PKNOX2: variants seen among roughly 807,000 people sequenced by gnomAD.
The protein encoded by PKNOX2 is homeobox protein PKNOX2.
Under a neutral mutation model 53.1 loss-of-function variants are expected in PKNOX2, and 14 were observed. The ratio of observed to expected loss-of-function variants is 0.26; its 90% CI spans 0.17 to 0.41. The LOEUF (loss-of-function observed/expected upper bound fraction) is 0.41. Among genes scored for constraint, PKNOX2 ranks in the 10% least tolerant of loss-of-function variants. PKNOX2 has a pLI of 1.00. For synonymous variants in PKNOX2, 257 were observed against 242.8 expected (o/e 1.06, Z -0.54); for missense variants, 496 against 602.8 (o/e 0.82, Z 1.85).
chr11:125,387,527 C>T (rs1487607180), intron 6 of PKNOX2, among the ~76,000 whole-genome samples: 2 of 152,168 alleles, frequency 1.3e-5, no homozygotes, highest in Non-Finnish European at 2.9e-5. Flanking sequence ...ATGCTCTCTC[C>T]TGGCCAACAT....
At chr11:125,332,260 A>G (rs903599994) in intron 3 of PKNOX2, among the ~76,000 whole-genome samples, 18 of 151,952 alleles carry the variant, frequency 1.2e-4, no homozygotes, top group African/African-American at 3.9e-4. Context: ...AGCAAACATT[A>G]TCACCCATGA....
rs1195365073 is a variant in PKNOX2 at position 125,429,820 on chromosome 11, C to T, written c.1014-143C>T. 8.4e-5 allele frequency: 81 copies of T among 965,682 alleles called. 1 individual carries two copies. Among genetic ancestry groups the T allele is most frequent in the Non-Finnish European group, 1.2e-4 (79 of 648,890 alleles). The allele number at this position is 965,682 out of a possible 1,614,324, so 59.8% of individuals were successfully genotyped here. The stretch of plus-strand genomic sequence containing the variant: ...GAACTTCTCAGCACCCAGGGCCCTC[C>T]TCCTTGCTGGGCTTTTACATCCGGG... On this transcript the variant is annotated intron_variant, in intron 11 of 12. Transcript: ENST00000298282.
intron 5 of PKNOX2, among the ~76,000 whole-genome samples, chr11:125,373,359 A>G (rs1430899754): frequency 1.3e-5 from 2 of 152,232 alleles, no homozygotes; most frequent in African/African-American, 4.8e-5. Flanking sequence ...AGTCTGGTAC[A>G]TTCGGGGGGA....
intron 2 of PKNOX2, among the ~76,000 whole-genome samples, chr11:125,273,077 G>T (rs946858817): frequency 2.6e-5 from 4 of 152,202 alleles, no homozygotes; most frequent in Admixed American, 2.6e-4. Context: ...CCAGTCCAGG[G>T]TGAGAGGCCG....
At chr11:125,178,573 G>GAAAGAAAGAAAGAAA (rs1955870405) in intron 1 of PKNOX2, among the ~76,000 whole-genome samples, 1 of 34,166 alleles carries the variant, frequency 2.9e-5, no homozygotes, top group African/African-American at 1.8e-4. Context: ...AACGAAGGAA[G>GAAAGAAAGAAAGAAA]GAAGGAAGGA....
intron 2 of PKNOX2, among the ~76,000 whole-genome samples, chr11:125,318,786 G>A (rs1381336215): frequency 1.3e-5 from 2 of 152,184 alleles, no homozygotes; most frequent in African/African-American, 4.8e-5. Context: ...CCTGGTGGAG[G>A]TGATTAGATC....
intron 1 of PKNOX2, among the ~76,000 whole-genome samples, chr11:125,183,741 AT>A (rs66586663): frequency 0.4 from 60,975 of 151,568 alleles, 12,326 homozygotes; most frequent in East Asian, 0.46. Flanking sequence ...AAAAGAGATG[AT>A]TTTTTTCAGA....
chr11:125,254,963 A>G (rs1283568971), intron 2 of PKNOX2, among the ~76,000 whole-genome samples: 1 of 152,200 alleles, frequency 6.6e-6, no homozygotes, highest in African/African-American at 2.4e-5. Context: ...CTTCTTAAAC[A>G]TGTATTAAAG....
At position 125,382,287 on chromosome 11, in the gene PKNOX2, T is replaced by C. The variant is rs149412553; in HGVS notation, c.228-3264T>C. Reference sequence around the variant, plus strand: ...ACAACACTTGTTCTCATTGACAGCCTGCATATAACCTTGGTGCACACACAT... The same window carrying C: ...ACAACACTTGTTCTCATTGACAGCCCGCATATAACCTTGGTGCACACACAT... On this transcript the variant is annotated intron_variant, in intron 5 of 12. Coordinates refer to ENST00000298282, the MANE Select transcript of PKNOX2 (RefSeq NM_001382323.2). Among the ~76,000 whole-genome samples the C allele has an allele frequency of 7.7e-3, 1,172 of 152,338 alleles. 14 individuals are homozygous for C. Among genetic ancestry groups the C allele is most frequent in the African/African-American group, 0.026 (1,083 of 41,586 alleles).
At chr11:125,407,612 A>G (rs1190608559) in intron 7 of PKNOX2, among the ~76,000 whole-genome samples, 2 of 152,038 alleles carry the variant, frequency 1.3e-5, no homozygotes, top group African/African-American at 4.8e-5. Context: ...CATTAAATTT[A>G]CCTTCAAGCC....
intron 7 of PKNOX2, among the ~76,000 whole-genome samples, chr11:125,402,099 C>T (rs770425598): frequency 4.6e-5 from 7 of 152,134 alleles, no homozygotes; most frequent in Non-Finnish European, 8.8e-5. Context: ...TTTTCCTGCT[C>T]GGCCTTCGAT....
At chr11:125,413,433 A>G (rs1158263625) in intron 10 of PKNOX2, among the ~76,000 whole-genome samples, 4 of 152,180 alleles carry the variant, frequency 2.6e-5, no homozygotes, top group Non-Finnish European at 5.9e-5. Flanking sequence ...TCCAGCGTCC[A>G]TGCCACAGCT....
intron 2 of PKNOX2, among the ~76,000 whole-genome samples, chr11:125,276,718 C>T (rs923625320): frequency 5.9e-5 from 9 of 151,956 alleles, no homozygotes; most frequent in Non-Finnish European, 1.3e-4. Context: ...TATGAGGTTT[C>T]CCCAGAGACT....
intron 2 of PKNOX2, among the ~76,000 whole-genome samples, chr11:125,288,901 T>C (rs1418023121): frequency 6.6e-6 from 1 of 152,250 alleles, no homozygotes; most frequent in African/African-American, 2.4e-5. Flanking sequence ...CTGATATTTG[T>C]TGTGAAACAC....
intron 1 of PKNOX2, among the ~76,000 whole-genome samples, chr11:125,223,612 G>A (rs142676678): frequency 5.8e-4 from 89 of 152,260 alleles, no homozygotes; most frequent in Admixed American, 1.1e-3. Flanking sequence ...CCAGAGTAAC[G>A]AAGCCGTCAG....
At chr11:125,207,801 T>C (rs1159786161) in intron 1 of PKNOX2, among the ~76,000 whole-genome samples, 1 of 152,006 alleles carries the variant, frequency 6.6e-6, no homozygotes, top group Non-Finnish European at 1.5e-5. Context: ...TGGCTGGCTG[T>C]GCCAAATGAC....
At chr11:125,421,682 G>A (rs547585015) in intron 10 of PKNOX2, among the ~76,000 whole-genome samples, 75 of 152,382 alleles carry the variant, frequency 4.9e-4, no homozygotes, top group African/African-American at 1.7e-3. Flanking sequence ...ACCCGTCAGA[G>A]CAAAGGGCTA....
At chr11:125,223,663 C>T (rs982803953) in intron 1 of PKNOX2, among the ~76,000 whole-genome samples, 23 of 152,264 alleles carry the variant, frequency 1.5e-4, no homozygotes, top group African/African-American at 5.3e-4. Context: ...GGTTCATAAA[C>T]TTTAATGCAA....
At chr11:125,214,363 G>A (rs1041982899) in intron 1 of PKNOX2, among the ~76,000 whole-genome samples, 4 of 151,926 alleles carry the variant, frequency 2.6e-5, no homozygotes, top group African/African-American at 9.7e-5. Flanking sequence ...CTCCCTTTCT[G>A]TCCCCCTCTT....
Sources: allele counts gnomAD v4.1 joint callset (sites outside exome capture counted in the v4.1 genomes callset), GRCh38; gene constraint gnomAD v4.1.1; transcripts MANE v1.5; gene names NCBI Gene and HGNC (gene_info 2026-07-23, HGNC 2026-07-21).